PCDH15: variants seen among roughly 807,000 people sequenced by gnomAD.
PCDH15 encodes protocadherin related 15, also known as protocadherin-15.
A neutral mutation model predicts 178.5 loss-of-function variants in PCDH15; 129 were observed. That is an observed-to-expected ratio of 0.72 (90% CI 0.63 to 0.84). The LOEUF (loss-of-function observed/expected upper bound fraction) is 0.84, where lower values mean the gene tolerates loss of function less well. Ranked by LOEUF, PCDH15 falls within the 40% of genes least tolerant of loss-of-function variation. The probability of loss-of-function intolerance (pLI) is 0.00; values close to 1 mark genes in which losing one functional copy is unlikely to be tolerated. For synonymous variants in PCDH15, 800 were observed against 732.0 expected (o/e 1.09, Z -1.50); for missense variants, 2,230 against 2,099.9 (o/e 1.06, Z -1.21).
At chr10:55,501,974 T>G (rs2132140343) in intron 2 of PCDH15, among the ~76,000 whole-genome samples, 1 of 151,894 alleles carries the variant, frequency 6.6e-6, no homozygotes, top group South Asian at 2.1e-4. Flanking sequence ...AAAATGTTTT[T>G]TTTCTTATGT....
At chr10:54,991,226 A>G (rs1433613480) in intron 2 of PCDH15, among the ~76,000 whole-genome samples, 1 of 152,180 alleles carries the variant, frequency 6.6e-6, no homozygotes, top group Admixed American at 6.5e-5. Context: ...TCTTGCATAA[A>G]AAGCATTATT....
chr10:55,145,704 C>T (rs570553020), intron 2 of PCDH15, among the ~76,000 whole-genome samples: 1 of 152,014 alleles, frequency 6.6e-6, no homozygotes, highest in Non-Finnish European at 1.5e-5. Flanking sequence ...CAGCACAATA[C>T]GATTCCAGAA....
At chr10:54,520,647 T>A (rs893326749) in intron 3 of PCDH15, among the ~76,000 whole-genome samples, 14 of 151,870 alleles carry the variant, frequency 9.2e-5, no homozygotes, top group Admixed American at 3.3e-4. Flanking sequence ...ATTGTGGAAG[T>A]CAGTGTGGCG....
intron 26 of PCDH15, among the ~76,000 whole-genome samples, chr10:53,870,286 T>G (rs1323249600): frequency 6.6e-6 from 1 of 152,202 alleles, no homozygotes; most frequent in Non-Finnish European, 1.5e-5. Context: ...AACTAGACAA[T>G]TTAACTCAGA....
intron 8 of PCDH15, among the ~76,000 whole-genome samples, chr10:54,244,398 G>A (rs1006335301): frequency 6.6e-6 from 1 of 152,090 alleles, no homozygotes; most frequent in African/African-American, 2.4e-5. Context: ...TTTCTAGACA[G>A]GCAATAAAAA....
intron 1 of PCDH15, among the ~76,000 whole-genome samples, chr10:55,247,230 T>C (rs1841700055): frequency 6.6e-6 from 1 of 152,202 alleles, no homozygotes; most frequent in African/African-American, 2.4e-5. Flanking sequence ...GTTTAAACTC[T>C]CTCATAGTGG....
intron 21 of PCDH15, among the ~76,000 whole-genome samples, chr10:53,974,817 T>C (rs1476255008): frequency 3.3e-5 from 5 of 152,146 alleles, no homozygotes; most frequent in African/African-American, 1.2e-4. Context: ...GGGGTACATG[T>C]GCAAGTCTGT....
chr10:54,929,278 A>T (rs568467091), intron 2 of PCDH15, among the ~76,000 whole-genome samples: 5 of 152,156 alleles, frequency 3.3e-5, no homozygotes, highest in Admixed American at 6.5e-5. Flanking sequence ...TGCCTACTCA[A>T]TGTAAGGAGT....
At chr10:54,297,088 G>A (rs942577028) in intron 8 of PCDH15, among the ~76,000 whole-genome samples, 5 of 152,124 alleles carry the variant, frequency 3.3e-5, no homozygotes, top group Non-Finnish European at 4.4e-5. Flanking sequence ...GCTTGGGCAA[G>A]AGGGGTTTCT....
chr10:54,339,187 A>T (rs1378673928), intron 6 of PCDH15, among the ~76,000 whole-genome samples: 1 of 152,132 alleles, frequency 6.6e-6, no homozygotes, highest in Non-Finnish European at 1.5e-5. Flanking sequence ...TTTATTTGTG[A>T]TTTTTTATTA....
At chr10:54,287,787 C>T (rs1016244606) in intron 8 of PCDH15, among the ~76,000 whole-genome samples, 1 of 152,012 alleles carries the variant, frequency 6.6e-6, no homozygotes, top group African/African-American at 2.4e-5. Context: ...AATCTAAATG[C>T]CAAATGAATA....
intron 2 of PCDH15, among the ~76,000 whole-genome samples, chr10:55,521,394 C>A (rs374856200): frequency 6.6e-6 from 1 of 151,910 alleles, no homozygotes; most frequent in East Asian, 1.9e-4. Context: ...GCACAGCAAA[C>A]GGTCTTCAAC....
intron 2 of PCDH15, among the ~76,000 whole-genome samples, chr10:54,571,531 T>C (rs2089842287): frequency 1.3e-5 from 2 of 152,138 alleles, no homozygotes; most frequent in South Asian, 4.1e-4. Context: ...GAAAAGGCAA[T>C]GTACTAACCC....
chr10:54,676,561 A>G (rs2094793767), intron 1 of PCDH15, among the ~76,000 whole-genome samples: 1 of 152,182 alleles, frequency 6.6e-6, no homozygotes, highest in Non-Finnish European at 1.5e-5. Context: ...AACAAAGCAT[A>G]TGTGGAAATA....
chr10:54,918,402 T>C (rs2131841398), intron 2 of PCDH15, among the ~76,000 whole-genome samples: 1 of 152,280 alleles, frequency 6.6e-6, no homozygotes, highest in South Asian at 2.1e-4. Flanking sequence ...GGAGAGTAAT[T>C]CTCATTTAAA....
intron 1 of PCDH15, among the ~76,000 whole-genome samples, chr10:54,699,283 A>G (rs2095276121): frequency 6.6e-6 from 1 of 152,100 alleles, no homozygotes; most frequent in Admixed American, 6.6e-5. Context: ...AAAACTAGTC[A>G]CTTACATGTT....
intron 15 of PCDH15, among the ~76,000 whole-genome samples, chr10:54,131,329 T>G (rs2042417447): frequency 6.6e-6 from 1 of 152,124 alleles, no homozygotes. Context: ...CATGTAAAAT[T>G]TATTTTGTTT....
chr10:54,993,306 C>A (rs1839551081), intron 2 of PCDH15, among the ~76,000 whole-genome samples: 1 of 152,178 alleles, frequency 6.6e-6, no homozygotes, highest in Non-Finnish European at 1.5e-5. Flanking sequence ...AGCCATAGAA[C>A]TGAAAGCTTC....
chr10:54,075,835 T>A (rs950324231), intron 17 of PCDH15, among the ~76,000 whole-genome samples: 1 of 152,200 alleles, frequency 6.6e-6, no homozygotes, highest in Non-Finnish European at 1.5e-5. Context: ...AGTACTACTC[T>A]GTTTTGAGTA....
Sources: gnomAD v4.1 joint callset for allele counts (sites outside exome capture counted in the v4.1 genomes callset) on GRCh38, gnomAD v4.1.1 for gene constraint, MANE v1.5 for transcripts, NCBI Gene and HGNC (gene_info 2026-07-23, HGNC 2026-07-21) for gene names.